Variants in SEPTIN7 observed in about 807,000 individuals in gnomAD.
SEPTIN7 encodes septin 7.
Under a neutral mutation model 63.3 loss-of-function variants are expected in SEPTIN7, and 10 were observed. That is an observed-to-expected ratio of 0.16 (90% confidence interval 0.10 to 0.27). SEPTIN7 has a LOEUF of 0.27. SEPTIN7 is among the 10% of genes least tolerant of loss of function. SEPTIN7 has a pLI of 1.00. For synonymous variants in SEPTIN7, 131 were observed against 165.3 expected, an observed-to-expected ratio of 0.79 and a Z score of 1.59; for missense variants, 310 against 521.0, an observed-to-expected ratio of 0.59 and a Z score of 3.94.
intron 3 of SEPTIN7, among the ~76,000 whole-genome samples, chr7:35,839,989 T>A (rs2249906): frequency 0.48 from 73,502 of 152,102 alleles, 19,481 homozygotes; most frequent in African/African-American, 0.71. Flanking sequence ...CAGTATCATT[T>A]TTATTTATTT....
At chr7:35,801,933 C>G (rs1788017493) in intron 1 of SEPTIN7, among the ~76,000 whole-genome samples, 1 of 152,156 alleles carries the variant, frequency 6.6e-6, no homozygotes, top group Non-Finnish European at 1.5e-5. Context: ...AGGCGCAGCC[C>G]GGAAGGCCGG....
intron 1 of SEPTIN7, among the ~76,000 whole-genome samples, chr7:35,816,903 A>G (rs987379756): frequency 1.3e-5 from 2 of 152,112 alleles, no homozygotes; most frequent in African/African-American, 2.4e-5. Flanking sequence ...TGAGTTTTTA[A>G]TGAAGTTGTC....
intron 1 of SEPTIN7, among the ~76,000 whole-genome samples, chr7:35,819,493 C>G (rs1235943643): frequency 6.6e-6 from 1 of 152,096 alleles, no homozygotes; most frequent in Non-Finnish European, 1.5e-5. Flanking sequence ...TCTTCTGCTT[C>G]TTTATCATCT....
downstream of SEPTIN7, among the ~76,000 whole-genome samples, chr7:35,912,037 C>T (rs1264592995): frequency 6.6e-6 from 1 of 152,278 alleles, no homozygotes; most frequent in Non-Finnish European, 1.5e-5. Flanking sequence ...AGATGTGGAT[C>T]CTGACTCCTG....
At position 35,808,720 on chromosome 7, in the gene SEPTIN7, C is replaced by G. The variant is rs75090584; in HGVS notation, c.61+7450C>G. Among the ~76,000 whole-genome samples, 510 of 152,258 alleles carry G rather than the reference C, an allele frequency of 3.3e-3. 5 individuals carry two copies. The highest frequency in any genetic ancestry group is 0.012 in the African/African-American group (490 of 41,538). On this transcript the variant is annotated intron_variant, in intron 1 of 13. Coordinates refer to ENST00000350320, the MANE Select transcript of SEPTIN7 (RefSeq NM_001788.6). The stretch of plus-strand genomic sequence containing the variant: ...CACCTCTTTTATAAGGTCATTAATC[C>G]TATTAATACCATTACTAGTGATTAA...
intron 2 of SEPTIN7, chr7:35,831,979 A>G (rs556111094): frequency 7.7e-5 from 27 of 349,084 alleles, no homozygotes; most frequent in African/African-American, 2.5e-4. Context: ...AAATTAACCA[A>G]TGAGACTCTG....
chr7:35,882,278 G>A (rs1786927740), intron 7 of SEPTIN7, among the ~76,000 whole-genome samples: 1 of 149,912 alleles, frequency 6.7e-6, no homozygotes, highest in Non-Finnish European at 1.5e-5. Flanking sequence ...ATTGGATTTG[G>A]TGTTTATATA....
At chr7:35,838,358 CTCCCTCCT>C (rs1784234463) in intron 3 of SEPTIN7, among the ~76,000 whole-genome samples, 1 of 17,904 alleles carries the variant, frequency 5.6e-5, no homozygotes, top group East Asian at 1.8e-3. Context: ...CCCTCCCTCC[CTCCCTCCT>C]CCCTCCCTCC....
intron 4 of SEPTIN7, among the ~76,000 whole-genome samples, chr7:35,872,386 A>C (rs1786204018): frequency 6.6e-6 from 1 of 152,192 alleles, no homozygotes; most frequent in Admixed American, 6.5e-5. Context: ...CTATTTTATC[A>C]GTTCCTCTGT....
downstream of SEPTIN7, among the ~76,000 whole-genome samples, chr7:35,910,578 CT>C (rs1475931129): frequency 3.3e-5 from 5 of 152,288 alleles, no homozygotes; most frequent in South Asian, 1.0e-3. Context: ...GTATTGACTG[CT>C]TTTAATATGC....
At chr7:35,841,891 A>C (rs1269491505) in intron 3 of SEPTIN7, among the ~76,000 whole-genome samples, 1 of 152,212 alleles carries the variant, frequency 6.6e-6, no homozygotes, top group Non-Finnish European at 1.5e-5. Flanking sequence ...AGTCTAGGTC[A>C]TGGAGGCCAA....
At chr7:35,860,949 G>C (rs576572303) in intron 3 of SEPTIN7, among the ~76,000 whole-genome samples, 1 of 152,234 alleles carries the variant, frequency 6.6e-6, no homozygotes, top group East Asian at 1.9e-4. Context: ...AACATCCATT[G>C]AGTATATATT....
At chr7:35,871,468 A>G (rs1420152744) in intron 4 of SEPTIN7, among the ~76,000 whole-genome samples, 3 of 152,208 alleles carry the variant, frequency 2.0e-5, no homozygotes, top group Admixed American at 2.0e-4. Flanking sequence ...CACATGGACA[A>G]GTGGAAGGTG....
intron 1 of SEPTIN7, among the ~76,000 whole-genome samples, chr7:35,825,549 A>C (rs1262195919): frequency 2.6e-5 from 4 of 152,126 alleles, no homozygotes; most frequent in African/African-American, 7.2e-5. Flanking sequence ...GTTTGCTCTT[A>C]TATATCCTTC....
intron 2 of SEPTIN7, 92 bp from the exon 3 acceptor site, chr7:35,832,706 T>C: frequency 1.3e-6 from 1 of 785,176 alleles, no homozygotes. Flanking sequence ...AATAGTATAA[T>C]TTTCTAAAAT....
Position 35,802,577 on chromosome 7 carries a change from A to G in SEPTIN7, c.61+1307A>G, listed in dbSNP as rs139950547. Among the ~76,000 whole-genome samples the G allele has an allele frequency of 7.3e-3, 1,107 of 152,362 alleles. 9 individuals carry two copies. The highest frequency in any genetic ancestry group is 0.033 in the South Asian group (159 of 4,830). Reference sequence around the variant, plus strand: ...AATTACTAAGCATCTAACCTGTTTTACATATTTATGCACATGCAGGTGATG... The same window carrying G: ...AATTACTAAGCATCTAACCTGTTTTGCATATTTATGCACATGCAGGTGATG... On this transcript the variant is annotated intron_variant, in intron 1 of 13. Coordinates refer to ENST00000350320, the MANE Select transcript of SEPTIN7 (RefSeq NM_001788.6).
At chr7:35,900,258 A>T (rs1344521695) in intron 12 of SEPTIN7, 1 of 151,950 alleles carries the variant, frequency 6.6e-6, no homozygotes, top group East Asian at 1.9e-4. Context: ...CACTGTTGTT[A>T]TATTTGTTGT....
intron 4 of SEPTIN7, among the ~76,000 whole-genome samples, chr7:35,865,580 G>A (rs1396566679): frequency 6.6e-6 from 1 of 151,790 alleles, no homozygotes; most frequent in Non-Finnish European, 1.5e-5. Context: ...GAACATTCTT[G>A]TGTATGTCTT....
chr7:35,856,911 ATAAT>A (rs1156535884), intron 3 of SEPTIN7, among the ~76,000 whole-genome samples: 2 of 152,240 alleles, frequency 1.3e-5, no homozygotes, highest in African/African-American at 2.4e-5. Flanking sequence ...ATAGGAAAAA[ATAAT>A]TAAGGTCTCT....
Sources: allele counts gnomAD v4.1 joint callset (sites outside exome capture counted in the v4.1 genomes callset), GRCh38; gene constraint gnomAD v4.1.1; transcripts MANE v1.5; gene names NCBI Gene and HGNC (gene_info 2026-07-23, HGNC 2026-07-21).